Variants in RAB18 observed in about 807,000 individuals in gnomAD.
RAB18 encodes the protein RAB18, member RAS oncogene family.
RAB18 carries 10 observed loss-of-function variants against 28.5 expected under a neutral mutation model. The ratio of observed to expected loss-of-function variants is 0.35; its 90% CI spans 0.22 to 0.60. The LOEUF is 0.60. Ranked by LOEUF, RAB18 falls within the 20% of genes least tolerant of loss-of-function variation. RAB18 has a pLI of 0.78. For synonymous variants in RAB18, 93 were observed against 86.9 expected (o/e 1.07, Z -0.39); for missense variants, 188 against 244.2 (o/e 0.77, Z 1.53).
intron 2 of RAB18, among the ~76,000 whole-genome samples, chr10:27,522,828 C>T (rs1834588703): frequency 1.3e-5 from 2 of 152,034 alleles, no homozygotes. Flanking sequence ...TCTGTCATTC[C>T]TTTAACTTCT....
chr10:27,539,822 T>C lies in RAB18; in HGVS notation c.*1771T>C, dbSNP rs139213659. 2.2e-6 allele frequency: 1 copy of C among 453,832 alleles called. No individual in the cohort carries two copies. Among genetic ancestry groups the C allele is most frequent in the African/African-American group, 2.0e-5 (1 of 50,122 alleles). The allele number at this position is 453,832 out of a possible 1,614,324, so 28.1% of individuals were successfully genotyped here. A position where few individuals can be genotyped will look rare whatever the true frequency, so the allele number is the denominator to read the frequency against. On this transcript the variant is annotated 3_prime_UTR_variant, in exon 7 of 7. Coordinates refer to ENST00000356940, the MANE Select transcript of RAB18 (RefSeq NM_021252.5). ...AGTTCTTGAATAAATATAGCCTGCT[T>C]TCCCTAGATGCATTTGTGTAGGAAG...
rs752748726 is a variant in RAB18 at position 27,533,848 on chromosome 10, G to A, written c.373G>A (p.Asp125Asn). 3.7e-6 allele frequency: 6 copies of A among 1,612,434 alleles called. No individual in the cohort carries two copies. The highest frequency in any genetic ancestry group is 4.2e-6 in the Non-Finnish European group (5 of 1,178,732). Residue 125 changes from aspartate to asparagine, a missense_variant, in exon 5 of 7, where the codon GAT becomes AAT. Coordinates refer to ENST00000356940, the MANE Select transcript of RAB18 (RefSeq NM_021252.5). ...AAACATGCTAGTTGGAAATAAAATC[G>A]ATAAGGTAAGAAGGCAGACACTTGG... Reference protein sequence around the residue: ...IVNMLVGNKIDKENREVDRNE... With the variant: ...IVNMLVGNKINKENREVDRNE...
In RAB18 at chr10:27,539,640, T is replaced by TAC. The variant is rs1321229205; in HGVS notation, c.*1589_*1590insAC. Reference sequence around the variant, plus strand: ...GAGATTTGTGTATTTATGTAGAGTCTGTATTGACAAGACTGTTGTTTTTTG... The same window carrying TAC: ...GAGATTTGTGTATTTATGTAGAGTCTACGTATTGACAAGACTGTTGTTTTTTG... On this transcript the variant is annotated 3_prime_UTR_variant, in exon 7 of 7. Coordinates refer to ENST00000356940, the MANE Select transcript of RAB18 (RefSeq NM_021252.5). The TAC allele has an allele frequency of 3.5e-5, 16 of 453,184 alleles. No homozygotes were observed. In the East Asian group the frequency reaches 1.1e-3, roughly 31 times the overall value. The allele number at this position is 453,184 out of a possible 1,614,324, so 28.1% of individuals were successfully genotyped here.
chr10:27,536,496 C>A (rs568286678), intron 6 of RAB18, among the ~76,000 whole-genome samples: 1 of 152,172 alleles, frequency 6.6e-6, no homozygotes, highest in South Asian at 2.1e-4. Context: ...AGTGGAGCTC[C>A]CACTGCACTC....
At chr10:27,514,854 C>T (rs1834404072) in intron 2 of RAB18, among the ~76,000 whole-genome samples, 3 of 151,918 alleles carry the variant, frequency 2.0e-5, no homozygotes, top group South Asian at 2.1e-4. Flanking sequence ...ACTCCAGCCT[C>T]ACCCACCTGG....
intron 2 of RAB18, among the ~76,000 whole-genome samples, chr10:27,521,708 A>G (rs1181466424): frequency 2.0e-5 from 3 of 152,106 alleles, no homozygotes; most frequent in Non-Finnish European, 4.4e-5. Flanking sequence ...AGGGTGGGAG[A>G]GGGATGAGGG....
At chr10:27,531,477 C>A in intron 3 of RAB18, 1 of 1,527,208 alleles carries the variant, frequency 6.5e-7, no homozygotes, top group Non-Finnish European at 8.8e-7. Context: ...AGCAGTGGGA[C>A]TGGTAGCTAA....
intron 2 of RAB18, among the ~76,000 whole-genome samples, chr10:27,522,947 T>G (rs2763310): frequency 1.3e-5 from 2 of 151,932 alleles, no homozygotes; most frequent in Non-Finnish European, 2.9e-5. Flanking sequence ...TGGTTTTCTT[T>G]TAGAAGCAAC....
intron 3 of RAB18, 25 bp from the exon 4 acceptor site, chr10:27,532,477 GTTTAA>G: frequency 2.0e-6 from 3 of 1,510,228 alleles, no homozygotes; most frequent in South Asian, 1.1e-5. Context: ...TTTATACTTT[GTTTAA>G]TTTAATAATA....
Position 27,537,945 on chromosome 10 carries a change from C to T in RAB18, c.515C>T (p.Thr172Ile), listed in dbSNP as rs751934056. The change falls in exon 7 of 7, where the codon ACC becomes ATC. Residue 172 changes from threonine (T) to isoleucine (I), a missense_variant. Coordinates refer to ENST00000356940, the MANE Select transcript of RAB18 (RefSeq NM_021252.5). Reference sequence around the variant, plus strand: ...GAACTTGTTGAAAAGATCATTCAGACCCCTGGACTGTGGGAAAGTGAGAAC... The same window carrying T: ...GAACTTGTTGAAAAGATCATTCAGATCCCTGGACTGTGGGAAAGTGAGAAC... The part of the protein sequence containing the change: ...FEELVEKIIQ[T>I]PGLWESENQN... 1.2e-6 allele frequency: 2 copies of T among 1,614,032 alleles called. No homozygotes were observed. Among genetic ancestry groups the T allele is most frequent in the Non-Finnish European group, 1.7e-6 (2 of 1,179,990 alleles).
At chr10:27,532,961 T>C (rs1296370674) in intron 4 of RAB18, among the ~76,000 whole-genome samples, 2 of 152,094 alleles carry the variant, frequency 1.3e-5, no homozygotes, top group Non-Finnish European at 2.9e-5. Flanking sequence ...GCTTTATTAG[T>C]CCTAAAAATA....
rs1835032298 is a variant in RAB18, at chr10:27,541,575, G to A, written c.*3524G>A. The A allele has an allele frequency of 4.4e-6, 2 of 453,206 alleles. No individual in the cohort carries two copies. The highest frequency in any genetic ancestry group is 4.4e-6 in the Non-Finnish European group (1 of 226,682). 28.1% of individuals were successfully genotyped at this position (453,206 alleles called of 1,614,324 possible). ...CTACACACATATTTTGAATAGTCGT[G>A]TGTTCATGCCTGTTCTCAGTCTTGT... On this transcript the variant is annotated 3_prime_UTR_variant, in exon 7 of 7. Transcript: ENST00000356940.
In RAB18 at chr10:27,541,096, G is replaced by A. The variant is rs532722788; in HGVS notation, c.*3045G>A. The A allele has an allele frequency of 1.8e-5, 8 of 453,380 alleles. No individual in the cohort carries two copies. The East Asian group carries it at 5.6e-4, about 32-fold the overall frequency. The allele number at this position is 453,380 out of a possible 1,614,324, so 28.1% of individuals were successfully genotyped here. On this transcript the variant is annotated 3_prime_UTR_variant, in exon 7 of 7. Transcript: ENST00000356940. Reference sequence around the variant, plus strand: ...CAAGCATTATGCTTCTCTTTCTTGGGGGTACATTTCACTAGTAATACTTAG... The same window carrying A: ...CAAGCATTATGCTTCTCTTTCTTGGAGGTACATTTCACTAGTAATACTTAG...
chr10:27,537,350 G>C (rs1057124718), intron 6 of RAB18, among the ~76,000 whole-genome samples: 12 of 152,278 alleles, frequency 7.9e-5, no homozygotes, highest in African/African-American at 1.9e-4. Context: ...GGAAACGCAG[G>C]GTTGGAAGCA....
In RAB18 at chr10:27,538,512, C is replaced by G. The variant is rs774447507; in HGVS notation, c.*461C>G. 5.5e-5 allele frequency: 25 copies of G among 454,486 alleles called. 1 individual carries two copies. The highest frequency in any genetic ancestry group is 3.9e-4 in the South Asian group (25 of 64,482). The allele number at this position is 454,486 out of a possible 1,614,324, so 28.2% of individuals were successfully genotyped here. ...AGGAATAATAAAGAGCATGATTCCA[C>G]AGCTTTTCTGGGATGTTTGAGATTC... On this transcript the variant is annotated 3_prime_UTR_variant, in exon 7 of 7. Coordinates refer to ENST00000356940, the MANE Select transcript of RAB18 (RefSeq NM_021252.5).
Position 27,540,993 on chromosome 10 carries a change from C to T in RAB18, c.*2942C>T, listed in dbSNP as rs1338194551. 1.3e-5 allele frequency: 6 copies of T among 453,164 alleles called. 1 individual carries two copies. Among genetic ancestry groups the T allele is most frequent in the South Asian group, 7.8e-5 (5 of 64,278 alleles). 28.1% of individuals were successfully genotyped at this position (453,164 alleles called of 1,614,324 possible). A position where few individuals can be genotyped will look rare whatever the true frequency, so the allele number is the denominator to read the frequency against. ...TAGTGTCTTTAAGTACAACTTAATA[C>T]ATATTTTTTCTGTGTATTTTTTTCA... On this transcript the variant is annotated 3_prime_UTR_variant, in exon 7 of 7. Transcript: ENST00000356940.
At chr10:27,524,007 A>C (rs912733382) in intron 2 of RAB18, among the ~76,000 whole-genome samples, 1 of 151,956 alleles carries the variant, frequency 6.6e-6, no homozygotes, top group Non-Finnish European at 1.5e-5. Flanking sequence ...TGAACCTGGG[A>C]AGCAGAGCTT....
At chr10:27,516,947 A>G (rs1269816546) in intron 2 of RAB18, among the ~76,000 whole-genome samples, 1 of 152,222 alleles carries the variant, frequency 6.6e-6, no homozygotes, top group Non-Finnish European at 1.5e-5. Flanking sequence ...AATGCACTGG[A>G]CAGAATAAAG....
chr10:27,504,311 T>G lies in RAB18; in HGVS notation c.-59T>G, dbSNP rs760745895. ...GCGCATGCGCAGCAGCTCACTCTGC[T>G]GAAGGGCTGAGAGGCGCACCCGGGC... On this transcript the variant is annotated 5_prime_UTR_variant, in exon 1 of 7. Coordinates refer to ENST00000356940, the MANE Select transcript of RAB18 (RefSeq NM_021252.5). 3.3e-6 allele frequency: 5 copies of G among 1,519,134 alleles called. No individual in the cohort carries two copies. The South Asian group carries it at 4.8e-5, about 15-fold the overall frequency. The allele number at this position is 1,519,134 out of a possible 1,614,324, so 94.1% of individuals were successfully genotyped here. A position where few individuals can be genotyped will look rare whatever the true frequency, so the allele number is the denominator to read the frequency against.
Sources: gnomAD v4.1 joint callset for allele counts (sites outside exome capture counted in the v4.1 genomes callset) on GRCh38, gnomAD v4.1.1 for gene constraint, MANE v1.5 for transcripts, NCBI Gene and HGNC (gene_info 2026-07-23, HGNC 2026-07-21) for gene names.